The following MTUS2 variants were observed in gnomAD, a reference collection of about 807,000 sequenced individuals.
MTUS2 encodes the protein microtubule-associated tumor suppressor candidate 2.
A neutral mutation model predicts 114.1 loss-of-function variants in MTUS2; 40 were observed. The observed-to-expected ratio is 0.35, with a 90% CI of 0.27 to 0.46. The LOEUF (loss-of-function observed/expected upper bound fraction) is 0.46. Ranked by LOEUF, MTUS2 falls within the 20% of genes least tolerant of loss-of-function variation. MTUS2 has a pLI of 1.00. For synonymous variants in MTUS2, 688 were observed against 672.0 expected (o/e 1.02, Z -0.37); for missense variants, 1,679 against 1,705.4 (o/e 0.98, Z 0.27).
chr13:29,159,034 G>A (rs1277876757), intron 5 of MTUS2, among the ~76,000 whole-genome samples: 1 of 152,142 alleles, frequency 6.6e-6, no homozygotes, highest in Non-Finnish European at 1.5e-5. Context: ...GTTGTGCAAT[G>A]GAATACTGTG....
At chr13:28,930,986 G>T (rs1025466105) in intron 2 of MTUS2, among the ~76,000 whole-genome samples, 2 of 152,222 alleles carry the variant, frequency 1.3e-5, no homozygotes, top group African/African-American at 4.8e-5. Flanking sequence ...CAGACCTGGA[G>T]TCAGGTGGAC....
chr13:29,440,962 C>G (rs975655730), intron 9 of MTUS2, among the ~76,000 whole-genome samples: 1 of 152,182 alleles, frequency 6.6e-6, no homozygotes, highest in Non-Finnish European at 1.5e-5. Flanking sequence ...TTTCCCCAAC[C>G]CTTTGTATTC....
intron 6 of MTUS2, among the ~76,000 whole-genome samples, chr13:29,298,955 C>T (rs1899071288): frequency 6.6e-6 from 1 of 152,110 alleles, no homozygotes; most frequent in Non-Finnish European, 1.5e-5. Flanking sequence ...CTCCCCAAGG[C>T]TGAGTCTAGA....
chr13:29,501,227 T>A (rs1193823986), intron 15 of MTUS2, 33 bp downstream of exon 15: 1 of 1,524,188 alleles, frequency 6.6e-7, no homozygotes, highest in Admixed American at 1.7e-5. Flanking sequence ...ACAAAGTGAC[T>A]TTCCTCTTGA....
At chr13:28,917,545 T>A (rs1370153218) in intron 2 of MTUS2, among the ~76,000 whole-genome samples, 1 of 151,656 alleles carries the variant, frequency 6.6e-6, no homozygotes, top group Non-Finnish European at 1.5e-5. Flanking sequence ...TTCTTTGAAT[T>A]TCTATGATAT....
intron 6 of MTUS2, among the ~76,000 whole-genome samples, chr13:29,321,070 A>G (rs1474194874): frequency 1.3e-5 from 2 of 152,312 alleles, no homozygotes; most frequent in Non-Finnish European, 2.9e-5. Context: ...AGTAATGTCT[A>G]TTTGGCAGCT....
At chr13:29,006,307 C>T (rs1885598281) in intron 2 of MTUS2, among the ~76,000 whole-genome samples, 2 of 152,182 alleles carry the variant, frequency 1.3e-5, no homozygotes, top group Admixed American at 6.5e-5. Flanking sequence ...TCTTACATCT[C>T]TGGGCATTAC....
intron 5 of MTUS2, among the ~76,000 whole-genome samples, chr13:29,120,315 TCAAA>T (rs1891255261): frequency 1.3e-5 from 2 of 151,996 alleles, no homozygotes; most frequent in African/African-American, 4.8e-5. Context: ...GAGAAAATAA[TCAAA>T]CAGATATATT....
chr13:29,416,648 C>G (rs1258806510), intron 8 of MTUS2, among the ~76,000 whole-genome samples: 1 of 152,118 alleles, frequency 6.6e-6, no homozygotes, highest in Non-Finnish European at 1.5e-5. Flanking sequence ...TTGTGTGTTT[C>G]ACACTTTGCC....
intron 4 of MTUS2, among the ~76,000 whole-genome samples, chr13:29,069,512 A>G (rs1888814595): frequency 2.0e-5 from 3 of 152,182 alleles, no homozygotes; most frequent in African/African-American, 7.2e-5. Flanking sequence ...AAATGCTAAT[A>G]TCTTCTAAAA....
rs1455794830 is a variant in MTUS2, at chr13:29,024,461, C to T, written c.-238C>T. ...TATATTTTTATTTCTCTCTAGGTCT[C>T]ATGGACTGATTGGCTCTCATTCAGC... On this transcript the variant is annotated 5_prime_UTR_variant, in exon 3 of 16. Transcript: ENST00000612955. The T allele has an allele frequency of 9.3e-6, 5 of 534,808 alleles. No homozygotes were observed. Among genetic ancestry groups the T allele is most frequent in the Non-Finnish European group, 1.6e-5 (5 of 306,494 alleles). 33.1% of individuals were successfully genotyped at this position (534,808 alleles called of 1,614,324 possible).
intron 4 of MTUS2, among the ~76,000 whole-genome samples, chr13:29,048,614 A>G (rs1887744298): frequency 6.6e-6 from 1 of 152,186 alleles, no homozygotes; most frequent in Non-Finnish European, 1.5e-5. Context: ...GACTATAGGC[A>G]TGTACCACCA....
intron 5 of MTUS2, among the ~76,000 whole-genome samples, chr13:29,190,983 G>A (rs1268170246): frequency 6.6e-6 from 1 of 152,120 alleles, no homozygotes; most frequent in African/African-American, 2.4e-5. Flanking sequence ...CCTTATAAGA[G>A]AGCCTTTTTG....
intron 8 of MTUS2, among the ~76,000 whole-genome samples, chr13:29,399,115 C>G (rs1874134305): frequency 6.6e-6 from 1 of 152,158 alleles, no homozygotes; most frequent in Non-Finnish European, 1.5e-5. Context: ...TGATGATATG[C>G]TAAACAAGTG....
chr13:29,062,266 A>G (rs326522), intron 4 of MTUS2, among the ~76,000 whole-genome samples: 146,192 of 152,330 alleles, frequency 0.96, 70,232 homozygotes, highest in Non-Finnish European at 0.98. Flanking sequence ...GATTACAGGC[A>G]TGAGCCACCA....
intron 4 of MTUS2, among the ~76,000 whole-genome samples, chr13:29,035,962 GT>G (rs1367027214): frequency 2.0e-5 from 3 of 151,906 alleles, no homozygotes; most frequent in African/African-American, 7.3e-5. Flanking sequence ...CTGGCAACAT[GT>G]GGAAACCCCA....
chr13:29,237,954 A>G (rs1184847983), intron 5 of MTUS2, among the ~76,000 whole-genome samples: 1 of 152,182 alleles, frequency 6.6e-6, no homozygotes, highest in Non-Finnish European at 1.5e-5. Flanking sequence ...GAAAAGAAAC[A>G]TGTATACTGT....
intron 5 of MTUS2, among the ~76,000 whole-genome samples, chr13:29,160,542 C>A (rs767011505): frequency 2.0e-5 from 3 of 151,976 alleles, no homozygotes; most frequent in Non-Finnish European, 4.4e-5. Context: ...AGGCCGAGGC[C>A]GGCAGATCAT....
At chr13:29,231,800 A>G (rs1896334891) in intron 5 of MTUS2, among the ~76,000 whole-genome samples, 1 of 152,116 alleles carries the variant, frequency 6.6e-6, no homozygotes, top group South Asian at 2.1e-4. Flanking sequence ...ATTGTGGTTT[A>G]TTTCAAAATG....
Sources: gnomAD v4.1 joint callset for allele counts (sites outside exome capture counted in the v4.1 genomes callset) on GRCh38, gnomAD v4.1.1 for gene constraint, MANE v1.5 for transcripts, NCBI Gene and HGNC (gene_info 2026-07-23, HGNC 2026-07-21) for gene names.